FNDC3B: variants seen among roughly 807,000 people sequenced by gnomAD.
FNDC3B encodes fibronectin type III domain containing 3B, also known as fibronectin type III domain-containing protein 3B.
In FNDC3B, 12 loss-of-function variants were observed where a neutral mutation model predicts 151.5. The observed-to-expected ratio is 0.08, with a 90% CI of 0.05 to 0.13. The LOEUF is 0.13. FNDC3B is among the 10% of genes least tolerant of loss of function. The pLI is 1.00. For missense variants in FNDC3B, 1,214 were observed against 1,505.3 expected (o/e 0.81, Z 3.20); for synonymous variants, 528 against 549.0 (o/e 0.96, Z 0.54).
intron 2 of FNDC3B, among the ~76,000 whole-genome samples, chr3:172,122,188 A>T (rs1024743366): frequency 6.6e-6 from 1 of 152,250 alleles, no homozygotes; most frequent in African/African-American, 2.4e-5. Context: ...TATAAAATAT[A>T]TGCGTTACAC....
chr3:172,179,737 G>A (rs1207680303), intron 3 of FNDC3B, among the ~76,000 whole-genome samples: 2 of 151,836 alleles, frequency 1.3e-5, no homozygotes, highest in African/African-American at 4.8e-5. Flanking sequence ...CAAAAAGTTA[G>A]CTGGGCATGG....
At chr3:172,069,803 A>AT (rs1717679189) in intron 1 of FNDC3B, among the ~76,000 whole-genome samples, 1 of 152,172 alleles carries the variant, frequency 6.6e-6, no homozygotes, top group African/African-American at 2.4e-5. Flanking sequence ...GCCTAAAGCC[A>AT]TTTTAGGGGG....
rs374367909 is a variant in FNDC3B at position 172,274,374 on chromosome 3, T to G, written c.791-11552T>G. Among the ~76,000 whole-genome samples the G allele has an allele frequency of 3.5e-4, 53 of 152,180 alleles. No individual in the cohort carries two copies. In the East Asian group the frequency reaches 8.3e-3, roughly 24 times the overall value. On this transcript the variant is annotated intron_variant, in intron 6 of 25. Transcript: ENST00000415807. ...TCTCCCCGCCTTACCCTTGTTACCT[T>G]TGGACACAGGAGATGGCAGGAGAAG...
chr3:172,297,963 T>C (rs974461194), intron 8 of FNDC3B, among the ~76,000 whole-genome samples: 1 of 152,236 alleles, frequency 6.6e-6, no homozygotes, highest in Admixed American at 6.5e-5. Context: ...TGTTATATTT[T>C]GAAAAATTGG....
At chr3:172,379,439 A>C (rs1353953722) in intron 24 of FNDC3B, among the ~76,000 whole-genome samples, 1 of 152,250 alleles carries the variant, frequency 6.6e-6, no homozygotes, top group Non-Finnish European at 1.5e-5. Context: ...AGTCAATTAT[A>C]GGAACTTTCC....
chr3:172,328,217 T>G (rs1480685056), intron 11 of FNDC3B, among the ~76,000 whole-genome samples: 1 of 152,108 alleles, frequency 6.6e-6, no homozygotes, highest in Non-Finnish European at 1.5e-5. Flanking sequence ...AAACTTAGAG[T>G]GACTGTAATA....
At position 172,298,725 on chromosome 3, in the gene FNDC3B, C is replaced by A; in HGVS notation, c.1002-3C>A. The A allele has an allele frequency of 6.3e-7, 1 of 1,597,566 alleles. No individual in the cohort carries two copies. The highest frequency in any genetic ancestry group is 8.5e-7 in the Non-Finnish European group (1 of 1,172,966). ...GCAACTAATGAATGCTTTTTCTTTACAGTGGAGAAGAATTAGAATGTAACC... is the reference window on the plus strand; with the variant it reads ...GCAACTAATGAATGCTTTTTCTTTAAAGTGGAGAAGAATTAGAATGTAACC... On this transcript the variant is annotated splice_polypyrimidine_tract_variant and splice_region_variant and intron_variant, in intron 8 of 25. Transcript: ENST00000415807.
chr3:172,307,295 A>G lies in FNDC3B; in HGVS notation c.1062-68A>G, dbSNP rs1731246273. 5 of 1,543,708 alleles carry G rather than the reference A, an allele frequency of 3.2e-6. No individual in the cohort carries two copies. The South Asian group carries it at 5.6e-5, about 17-fold the overall frequency. ...TCATCTACAGAAAGCCTTAGGGTGA[A>G]ACAAAGATAAGAATCCTGGTCTTCT... is the stretch of plus-strand genomic sequence containing the variant. On this transcript the variant is annotated intron_variant, in intron 9 of 25. Transcript: ENST00000415807.
At chr3:172,195,794 C>T (rs928302622) in intron 3 of FNDC3B, among the ~76,000 whole-genome samples, 9 of 152,120 alleles carry the variant, frequency 5.9e-5, no homozygotes, top group African/African-American at 2.2e-4. Flanking sequence ...AGTTAAGAAC[C>T]CAGGCTTTGG....
chr3:172,361,730 C>G (rs1036026717), intron 22 of FNDC3B, among the ~76,000 whole-genome samples: 2 of 152,178 alleles, frequency 1.3e-5, no homozygotes, highest in Admixed American at 6.5e-5. Context: ...TATAGCAACC[C>G]TCTACTCCTC....
intron 11 of FNDC3B, among the ~76,000 whole-genome samples, chr3:172,326,440 G>A (rs1195131717): frequency 6.6e-6 from 1 of 152,166 alleles, no homozygotes; most frequent in Admixed American, 6.5e-5. Flanking sequence ...AATTCGGCAT[G>A]CTTTGTCTAT....
intron 7 of FNDC3B, among the ~76,000 whole-genome samples, chr3:172,292,510 A>G (rs1481482151): frequency 6.6e-6 from 1 of 152,270 alleles, no homozygotes; most frequent in South Asian, 2.1e-4. Context: ...CATAGCTGAC[A>G]TAAAAGGTAG....
At chr3:172,378,202 G>T in intron 23 of FNDC3B, 68 bp from the exon 24 acceptor site, 1 of 1,405,454 alleles carries the variant, frequency 7.1e-7, no homozygotes. Context: ...CCATTAGTTT[G>T]CATCATAATT....
Position 172,041,418 on chromosome 3 carries a change from C to T in FNDC3B, c.-29+1647C>T, listed in dbSNP as rs61117195. Among the ~76,000 whole-genome samples the T allele has an allele frequency of 7.2e-3, 150 of 20,912 alleles. 2 individuals carry two copies. The highest frequency in any genetic ancestry group is 0.038 in the Admixed American group (52 of 1,370). 13.7% of individuals were successfully genotyped at this position (20,912 alleles called of 152,430 possible). ...CTTTCTTTCTCCTTCTCTCTCCTTC[C>T]TTCCTTCCTTCCTTCCTTCCTTCCT... On this transcript the variant is annotated intron_variant, in intron 1 of 25. Transcript: ENST00000415807.
intron 1 of FNDC3B, among the ~76,000 whole-genome samples, chr3:172,104,899 G>C (rs1164129727): frequency 6.6e-6 from 1 of 152,118 alleles, no homozygotes; most frequent in African/African-American, 2.4e-5. Flanking sequence ...TTCTGGTTTT[G>C]CTGAAAGGCT....
intron 6 of FNDC3B, among the ~76,000 whole-genome samples, chr3:172,276,691 G>A (rs540706044): frequency 1.7e-4 from 26 of 152,258 alleles, no homozygotes; most frequent in Non-Finnish European, 2.4e-4. Flanking sequence ...CATGTCATAC[G>A]ATGGGAAGTA....
intron 4 of FNDC3B, 81 bp from the exon 5 acceptor site, chr3:172,247,452 T>A (rs1215063700): frequency 7.0e-7 from 1 of 1,435,916 alleles, no homozygotes; most frequent in African/African-American, 1.4e-5. Context: ...AAAGTAAAAT[T>A]AAAGTGGAAG....
chr3:172,369,469 GT>G (rs71635724), intron 23 of FNDC3B, among the ~76,000 whole-genome samples: 28,943 of 151,334 alleles, frequency 0.19, 2,848 homozygotes, highest in Middle Eastern at 0.26. Context: ...CGAAAAAAAA[GT>G]TTTTTTTTGT....
At chr3:172,219,982 A>G (rs929658350) in intron 3 of FNDC3B, among the ~76,000 whole-genome samples, 5 of 152,334 alleles carry the variant, frequency 3.3e-5, no homozygotes, top group Non-Finnish European at 5.9e-5. Context: ...ATTACTTTCA[A>G]TGGCAAAAAA....
Sources: gnomAD v4.1 joint callset for allele counts (sites outside exome capture counted in the v4.1 genomes callset) on GRCh38, gnomAD v4.1.1 for gene constraint, MANE v1.5 for transcripts, NCBI Gene and HGNC (gene_info 2026-07-23, HGNC 2026-07-21) for gene names.